The following MRPS5 variants were observed in gnomAD, a reference collection of about 807,000 sequenced individuals.
MRPS5 encodes the protein mitochondrial ribosomal protein S5.
MRPS5 carries 27 observed loss-of-function variants against 51.9 expected under a neutral mutation model. That is an observed-to-expected ratio of 0.52 (90% CI 0.38 to 0.72). The LOEUF (loss-of-function observed/expected upper bound fraction) is 0.72, where lower values mean the gene tolerates loss of function less well. Among genes scored for constraint, MRPS5 ranks in the 30% least tolerant of loss-of-function variants. The pLI is 0.00. For missense variants in MRPS5, 570 were observed against 545.7 expected (o/e 1.04, Z -0.44); for synonymous variants, 196 against 193.2 (o/e 1.01, Z -0.12).
At chr2:95,115,973 G>A (rs1573352414) in intron 2 of MRPS5, among the ~76,000 whole-genome samples, 2 of 149,754 alleles carry the variant, frequency 1.3e-5, no homozygotes, top group East Asian at 3.9e-4. Flanking sequence ...GTGGCGCGAT[G>A]TCAGCTCACT....
At chr2:95,099,753 T>C (rs551315437) in intron 10 of MRPS5, among the ~76,000 whole-genome samples, 2 of 152,324 alleles carry the variant, frequency 1.3e-5, no homozygotes, top group South Asian at 2.1e-4. Context: ...TGATTCTGTA[T>C]TTGAGGGTTT....
chr2:95,087,447 A>AACCTCATCTTCTGGCTCTGG lies in MRPS5; in HGVS notation c.1183_1202dup (p.Pro402GlnfsTer17). 6.2e-7 allele frequency: 1 copy of AACCTCATCTTCTGGCTCTGG among 1,614,150 alleles called. No homozygotes were observed. Among genetic ancestry groups the AACCTCATCTTCTGGCTCTGG allele is most frequent in the Non-Finnish European group, 8.5e-7 (1 of 1,180,032 alleles). ...CTTCCCAGTCCAGTTTGACGTCTGGAACCTCATCTTCTGGCTCTGGATCCT... is the reference window on the plus strand; with the variant it reads ...CTTCCCAGTCCAGTTTGACGTCTGGAACCTCATCTTCTGGCTCTGGACCTCATCTTCTGGCTCTGGATCCT... On this transcript the variant is annotated frameshift_variant, in exon 12 of 12. Transcript: ENST00000272418. LOFTEE classifies it high-confidence loss of function.
chr2:95,101,575 G>A (rs1675803653), intron 8 of MRPS5, 102 bp downstream of exon 8: 15 of 910,214 alleles, frequency 1.6e-5, no homozygotes, highest in Non-Finnish European at 2.3e-5. Context: ...CTCATGGGAA[G>A]GTTCTGGGAC....
At chr2:95,099,859 C>T (rs1237010930) in intron 10 of MRPS5, among the ~76,000 whole-genome samples, 1 of 152,172 alleles carries the variant, frequency 6.6e-6, no homozygotes, top group African/African-American at 2.4e-5. Flanking sequence ...TTCTGACTCA[C>T]ACTTTTTGAG....
At chr2:95,105,007 C>T (rs761157383) in intron 6 of MRPS5, among the ~76,000 whole-genome samples, 3 of 152,102 alleles carry the variant, frequency 2.0e-5, no homozygotes, top group Non-Finnish European at 2.9e-5. Context: ...TTATACATCT[C>T]GATATACCCT....
chr2:95,115,929 G>A (rs1268463080), intron 2 of MRPS5, among the ~76,000 whole-genome samples: 2 of 145,726 alleles, frequency 1.4e-5, no homozygotes, highest in African/African-American at 2.5e-5. Flanking sequence ...TTTTTGAGAC[G>A]GAGTTCTGCT....
At chr2:95,101,982 T>C in intron 7 of MRPS5, 1 of 381,864 alleles carries the variant, frequency 2.6e-6, no homozygotes, top group Non-Finnish European at 4.7e-6. Flanking sequence ...AGCAAGACTC[T>C]GTCTCTATTA....
At chr2:95,113,231 C>G (rs1676178590) in intron 3 of MRPS5, among the ~76,000 whole-genome samples, 1 of 151,890 alleles carries the variant, frequency 6.6e-6, no homozygotes, top group South Asian at 2.1e-4. Flanking sequence ...AATCCCAGCA[C>G]TTTGGGAGGC....
chr2:95,116,340 T>C (rs1434072426), intron 2 of MRPS5, among the ~76,000 whole-genome samples: 23 of 152,018 alleles, frequency 1.5e-4, no homozygotes, highest in Admixed American at 5.9e-4. Context: ...CAATCTCTGA[T>C]ATACTTTAAA....
upstream of MRPS5, chr2:95,121,890 G>T: frequency 7.5e-7 from 1 of 1,342,110 alleles, no homozygotes; most frequent in African/African-American, 1.5e-5. Flanking sequence ...GGGCCGCAGC[G>T]GAATTCCTGA....
In MRPS5 at chr2:95,086,458, T is replaced by C. The variant is rs1423353562; in HGVS notation, c.*899A>G. Reference sequence around the variant, plus strand: ...AAGGAAAGAGTAAATAACCAGTTATTCTGAAGATAAAACAATAGAAATTAC... The same window carrying C: ...AAGGAAAGAGTAAATAACCAGTTATCCTGAAGATAAAACAATAGAAATTAC... On this transcript the variant is annotated 3_prime_UTR_variant, in exon 12 of 12. Coordinates refer to ENST00000272418, the MANE Select transcript of MRPS5 (RefSeq NM_031902.5). 6.6e-6 allele frequency among the ~76,000 whole-genome samples: 1 copy of C among 152,102 alleles called. No individual in the cohort carries two copies. The highest frequency in any genetic ancestry group is 2.4e-5 in the African/African-American group (1 of 41,406).
chr2:95,106,970 G>A (rs551226319), intron 5 of MRPS5, among the ~76,000 whole-genome samples: 3 of 152,274 alleles, frequency 2.0e-5, no homozygotes, highest in South Asian at 4.1e-4. Flanking sequence ...CCCCAATTCC[G>A]TCAAGTCCTC....
At position 95,087,298 on chromosome 2, in the gene MRPS5, G is replaced by C. The variant is rs1675319121; in HGVS notation, c.*59C>G. ...CAAGGTAACATCCCAAGCTGTGAGG[G>C]GCTGAGTCTCTCCTAGGTGCAGGGC... On this transcript the variant is annotated 3_prime_UTR_variant, in exon 12 of 12. Transcript: ENST00000272418. 2 of 1,358,838 alleles carry C rather than the reference G, an allele frequency of 1.5e-6. No individual in the cohort carries two copies. The highest frequency in any genetic ancestry group is 2.1e-6 in the Non-Finnish European group (2 of 960,846). The allele number at this position is 1,358,838 out of a possible 1,614,324, so 84.2% of individuals were successfully genotyped here.
intron 11 of MRPS5, among the ~76,000 whole-genome samples, chr2:95,089,752 T>C (rs184755161): frequency 1.8e-3 from 268 of 152,340 alleles, no homozygotes; most frequent in Admixed American, 4.3e-3. Flanking sequence ...AAATGAACTT[T>C]CTCTTTTGAT....
In MRPS5 at chr2:95,087,495, C is replaced by T. The variant is rs148386913; in HGVS notation, c.1155G>A (p.Ala385=). The T allele has an allele frequency of 1.9e-5, 30 of 1,614,148 alleles. 1 individual carries two copies. In the Admixed American group the frequency reaches 2.0e-4, roughly 11 times the overall value. Residue 385 remains alanine, a synonymous_variant, in exon 12 of 12, where the codon GCG becomes GCA. Transcript: ENST00000272418. ...EECGPLPIVV[A]SPRGPLRKDP... ...CCTTCCTCAAGGGCCCCCGGGGGGA[C>T]GCAACCACAATGGGCAGAGGGCCAC... is the stretch of plus-strand genomic sequence containing the variant.
At chr2:95,110,790 G>A (rs1240326237) in intron 3 of MRPS5, among the ~76,000 whole-genome samples, 2 of 152,022 alleles carry the variant, frequency 1.3e-5, no homozygotes, top group Admixed American at 1.3e-4. Context: ...GTGAGACCCT[G>A]CCTTCAAAAA....
chr2:95,112,287 A>T (rs1676143517), intron 3 of MRPS5, among the ~76,000 whole-genome samples: 1 of 151,712 alleles, frequency 6.6e-6, no homozygotes, highest in Non-Finnish European at 1.5e-5. Flanking sequence ...CTGGTCTCCA[A>T]CTCCTGACCC....
chr2:95,113,431 A>T (rs2104424907), intron 3 of MRPS5, among the ~76,000 whole-genome samples: 1 of 151,480 alleles, frequency 6.6e-6, no homozygotes, highest in East Asian at 2.0e-4. Context: ...AGCCGAGACC[A>T]CGCCACTGCA....
intron 10 of MRPS5, among the ~76,000 whole-genome samples, chr2:95,099,715 A>C (rs567133056): frequency 1.9e-4 from 29 of 152,306 alleles, no homozygotes; most frequent in Admixed American, 1.8e-3. Context: ...TTTAAAGCAG[A>C]AGGCAAGTTC....
Sources: gnomAD v4.1 joint callset for allele counts (sites outside exome capture counted in the v4.1 genomes callset) on GRCh38, gnomAD v4.1.1 for gene constraint, MANE v1.5 for transcripts, NCBI Gene and HGNC (gene_info 2026-07-23, HGNC 2026-07-21) for gene names.